The following CROCC2 variants were observed in gnomAD, a reference collection of about 807,000 sequenced individuals.
The protein encoded by CROCC2 is ciliary rootlet coiled-coil protein 2.
Under a neutral mutation model 177.6 loss-of-function variants are expected in CROCC2, and 163 were observed. The ratio of observed to expected loss-of-function variants is 0.92; its 90% CI spans 0.81 to 1.05. CROCC2 has a LOEUF of 1.05. CROCC2 is among the 50% of genes least tolerant of loss of function. The pLI is 0.00. For missense variants in CROCC2, 1,929 were observed against 1,797.8 expected, an observed-to-expected ratio of 1.07 and a Z score of -1.32; for synonymous variants, 904 against 787.3, an observed-to-expected ratio of 1.15 and a Z score of -2.48.
chr2:240,986,542 C>T (rs1474446131), intron 28 of CROCC2, among the ~76,000 whole-genome samples: 4 of 152,332 alleles, frequency 2.6e-5, no homozygotes, highest in Admixed American at 2.0e-4. Flanking sequence ...GCCGGCTCCA[C>T]GACCCATCCA....
intron 2 of CROCC2, among the ~76,000 whole-genome samples, chr2:240,919,640 A>C (rs1472408248): frequency 6.6e-6 from 1 of 152,062 alleles, no homozygotes; most frequent in Non-Finnish European, 1.5e-5. Context: ...CCCCAGAAGC[A>C]ACAGGGCTCA....
intron 2 of CROCC2, among the ~76,000 whole-genome samples, 152 bp downstream of exon 2, chr2:240,919,028 GC>G (rs2059339411): frequency 2.8e-5 from 1 of 35,604 alleles, no homozygotes; most frequent in Non-Finnish European, 6.8e-5. Flanking sequence ...ACAGTCCTGG[GC>G]CCGGGGCTGG....
At chr2:240,937,827 C>T (rs1231062092) in intron 14 of CROCC2, among the ~76,000 whole-genome samples, 1 of 152,100 alleles carries the variant, frequency 6.6e-6, no homozygotes, top group African/African-American at 2.4e-5. Context: ...GTTCATGGGG[C>T]CAGATTTCTC....
rs901459851 is a variant in CROCC2 at position 240,918,881 on chromosome 2, T to C, written c.229+5T>C. 1.3e-4 allele frequency: 88 copies of C among 675,126 alleles called. No individual in the cohort carries two copies. Among genetic ancestry groups the C allele is most frequent in the African/African-American group, 7.7e-4 (41 of 53,364 alleles). The allele number at this position is 675,126 out of a possible 1,614,324, so 41.8% of individuals were successfully genotyped here. A position where few individuals can be genotyped will look rare whatever the true frequency, so the allele number is the denominator to read the frequency against. On this transcript the variant is annotated splice_donor_5th_base_variant and intron_variant, in intron 2 of 31. Transcript: ENST00000690015. The surrounding 1 kb of genome is among the most constrained non-coding windows in gnomAD (Gnocchi z 6.3). ...TGAGTGAGGAGCCACCCCAAGGTGA[T>C]GGTGTGGGGGACAGTCCTGGGCCCG...
At chr2:240,952,077 G>A (rs2059559859) in intron 18 of CROCC2, among the ~76,000 whole-genome samples, 1 of 152,144 alleles carries the variant, frequency 6.6e-6, no homozygotes, top group African/African-American at 2.4e-5. Context: ...CGGGTGCTGT[G>A]GCTCACACCT....
chr2:240,932,873 CG>C lies in CROCC2; in HGVS notation c.1219del (p.Ala407GlnfsTer3). The C allele has an allele frequency of 6.5e-7, 1 of 1,546,604 alleles. No individual in the cohort carries two copies. On this transcript the variant is annotated frameshift_variant, in exon 9 of 32. Coordinates refer to ENST00000690015, the MANE Select transcript of CROCC2 (RefSeq NM_001351305.2). LOFTEE classifies it high-confidence loss of function. ...ATLDPALQAM[R>X]AAIERRWRRE... ...CCTGGACCCCGCACTGCAGGCCATG[CG>C]GGCAGCCATAGAGAGGCGGTGGCGG...
intron 19 of CROCC2, 148 bp from the exon 20 acceptor site, chr2:240,959,153 G>T: frequency 1.1e-6 from 1 of 901,984 alleles, no homozygotes; most frequent in Non-Finnish European, 1.6e-6. Flanking sequence ...CCAAGGGCCA[G>T]TTACCCCGGG....
intron 27 of CROCC2, among the ~76,000 whole-genome samples, chr2:240,980,920 A>G (rs372700331): frequency 6.2e-3 from 205 of 33,124 alleles, no homozygotes; most frequent in African/African-American, 8.6e-3. Context: ...TCCCTGCTCA[A>G]GCTCTGGGGT....
chr2:240,956,920 G>T lies in CROCC2; in HGVS notation c.2943+948G>T, dbSNP rs114800558. On this transcript the variant is annotated intron_variant, in intron 19 of 31. Coordinates refer to ENST00000690015, the MANE Select transcript of CROCC2 (RefSeq NM_001351305.2). ...CATAGATGGGGGCCTGGCTCACAGT[G>T]GGGGGTGGCCAGAGCCCAGCGATAG... 3.5e-3 allele frequency among the ~76,000 whole-genome samples: 527 copies of T among 152,082 alleles called. 1 individual carries two copies. Among genetic ancestry groups the T allele is most frequent in the Middle Eastern group, 6.8e-3 (2 of 294 alleles).
At chr2:240,975,839 C>T (rs1316698933) in intron 27 of CROCC2, among the ~76,000 whole-genome samples, 1 of 150,234 alleles carries the variant, frequency 6.7e-6, no homozygotes, top group Non-Finnish European at 1.5e-5. Flanking sequence ...AAGTGATTCT[C>T]CTGCCTCAGC....
intron 20 of CROCC2, chr2:240,963,201 G>C: frequency 3.8e-6 from 1 of 265,298 alleles, no homozygotes; most frequent in South Asian, 1.2e-4. Flanking sequence ...AGGTGGGAAG[G>C]GCCCCAGGCA....
chr2:240,961,497 C>T (rs2059633455), intron 20 of CROCC2, among the ~76,000 whole-genome samples: 1 of 151,910 alleles, frequency 6.6e-6, no homozygotes, highest in Non-Finnish European at 1.5e-5. Flanking sequence ...CATACATGCA[C>T]ACACGTATGC....
chr2:240,954,759 G>C (rs146257800), intron 18 of CROCC2: 2 of 152,150 alleles, frequency 1.3e-5, no homozygotes, highest in African/African-American at 2.4e-5. Context: ...CTCTAATAAC[G>C]GGTCTTTCAG....
At position 240,960,704 on chromosome 2, in the gene CROCC2, G is replaced by A. The variant is rs915966308; in HGVS notation, c.3087+1260G>A. Among the ~76,000 whole-genome samples, 9 of 152,136 alleles carry A rather than the reference G, an allele frequency of 5.9e-5. No individual in the cohort carries two copies. Among genetic ancestry groups the A allele is most frequent in the Middle Eastern group, 3.2e-3 (1 of 314 alleles). On this transcript the variant is annotated intron_variant, in intron 20 of 31. Transcript: ENST00000690015. This position sits in a 1 kb window ranked among gnomAD's most constrained non-coding sequence, Gnocchi z 5.0. ...TGGCGCACACCACGCCCCAGAGGCC[G>A]GGCCGGCCGGCAGGGGAGAGTGAGA...
At position 240,949,547 on chromosome 2, in the gene CROCC2, C is replaced by T. The variant is rs2059541179; in HGVS notation, c.2497C>T (p.Leu833=). 2 of 1,550,534 alleles carry T rather than the reference C, an allele frequency of 1.3e-6. No homozygotes were observed. The highest frequency in any genetic ancestry group is 1.7e-6 in the Non-Finnish European group (2 of 1,146,914). Residue 833 remains leucine (L), a synonymous_variant, in exon 17 of 32, where the codon CTA becomes TTA. Transcript: ENST00000690015. The surrounding 1 kb of genome is among the most constrained non-coding windows in gnomAD (Gnocchi z 4.5). Reference sequence around the variant, plus strand: ...TCACCCCACAGTGGAAATGGAGCAGCTACAAAGTGACTGGGAGGTCCAGGA... The same window carrying T: ...TCACCCCACAGTGGAAATGGAGCAGTTACAAAGTGACTGGGAGGTCCAGGA... ...RQALQVEMEQ[L]QSDWEVQEMK...
At position 240,918,723 on chromosome 2, in the gene CROCC2, C is replaced by G; in HGVS notation, c.79-3C>G. The stretch of plus-strand genomic sequence containing the variant: ...TCCAGGTATCTCTGGGGGTGTCTTT[C>G]AGAGACTGGAGGACACCATCCTGAG... On this transcript the variant is annotated splice_polypyrimidine_tract_variant and splice_region_variant and intron_variant, in intron 1 of 31. Transcript: ENST00000690015. The surrounding 1 kb of genome is among the most constrained non-coding windows in gnomAD (Gnocchi z 6.3). 3.6e-6 allele frequency: 2 copies of G among 562,548 alleles called. No individual in the cohort carries two copies. Among genetic ancestry groups the G allele is most frequent in the Non-Finnish European group, 6.4e-6 (2 of 311,138 alleles). The allele number at this position is 562,548 out of a possible 1,614,324, so 34.8% of individuals were successfully genotyped here.
intron 3 of CROCC2, among the ~76,000 whole-genome samples, chr2:240,920,475 C>T (rs974030754): frequency 6.6e-6 from 1 of 152,176 alleles, no homozygotes; most frequent in African/African-American, 2.4e-5. Context: ...AGTCCTGACT[C>T]GCGGGGCCCA....
At chr2:240,936,193 C>G (rs1322640418) in intron 14 of CROCC2, among the ~76,000 whole-genome samples, 1 of 152,172 alleles carries the variant, frequency 6.6e-6, no homozygotes, top group Non-Finnish European at 1.5e-5. Context: ...CACCTTTTTC[C>G]TCTTTTTCTA....
At chr2:240,941,540 A>C (rs1450403008) in intron 14 of CROCC2, among the ~76,000 whole-genome samples, 1 of 152,224 alleles carries the variant, frequency 6.6e-6, no homozygotes, top group Non-Finnish European at 1.5e-5. Flanking sequence ...CTTACAGTCA[A>C]CTGATGTTCG....
Sources: gnomAD v4.1 joint callset for allele counts (sites outside exome capture counted in the v4.1 genomes callset) on GRCh38, gnomAD v4.1.1 for gene constraint, Gnocchi (gnomAD v3.1) non-coding constraint, MANE v1.5 for transcripts, NCBI Gene and HGNC (gene_info 2026-07-23, HGNC 2026-07-21) for gene names.